PRKCA: variants seen among roughly 807,000 people sequenced by gnomAD.
The protein encoded by PRKCA is protein kinase C alpha.
PRKCA carries 27 observed loss-of-function variants against 87.0 expected under a neutral mutation model. The observed-to-expected ratio is 0.31, with a 90% confidence interval of 0.23 to 0.43. The LOEUF (loss-of-function observed/expected upper bound fraction) is 0.43, where lower values mean the gene tolerates loss of function less well. Among genes scored for constraint, PRKCA ranks in the 20% least tolerant of loss-of-function variants. PRKCA has a pLI of 1.00. For synonymous variants in PRKCA, 329 were observed against 311.1 expected, an observed-to-expected ratio of 1.06 and a Z score of -0.61; for missense variants, 518 against 852.3, an observed-to-expected ratio of 0.61 and a Z score of 4.88.
intron 3 of PRKCA, among the ~76,000 whole-genome samples, chr17:66,639,784 G>C (rs1971241455): frequency 6.6e-6 from 1 of 151,968 alleles, no homozygotes; most frequent in Non-Finnish European, 1.5e-5. Flanking sequence ...ATCACCTGAT[G>C]TCAGGAGTTT....
chr17:66,364,716 C>T (rs1908598859), intron 2 of PRKCA, among the ~76,000 whole-genome samples: 1 of 152,086 alleles, frequency 6.6e-6, no homozygotes, highest in Non-Finnish European at 1.5e-5. Context: ...TTCCAGTTCT[C>T]CCTGGCTGCT....
Position 66,587,891 on chromosome 17 carries a change from G to GTATATATATA in PRKCA, c.289-53463_289-53462insATATATATAT, listed in dbSNP as rs1406148799. On this transcript the variant is annotated intron_variant, in intron 3 of 16. Coordinates refer to ENST00000413366, the MANE Select transcript of PRKCA (RefSeq NM_002737.3). ...TGTATGTGTGTGTGTGTGTGTGTGT[G>GTATATATATA]TGTGTATATATATATATATATATAT... 1.7e-4 allele frequency among the ~76,000 whole-genome samples: 15 copies of GTATATATATA among 87,136 alleles called. 3 individuals carry two copies. The highest frequency in any genetic ancestry group is 4.0e-4 in the South Asian group (1 of 2,504). The allele number at this position is 87,136 out of a possible 152,430, so 57.2% of individuals were successfully genotyped here.
chr17:66,705,422 G>A (rs1339193885), intron 8 of PRKCA, among the ~76,000 whole-genome samples: 1 of 152,178 alleles, frequency 6.6e-6, no homozygotes, highest in Non-Finnish European at 1.5e-5. Context: ...GAGGGTGCAT[G>A]CATTTATATT....
intron 8 of PRKCA, among the ~76,000 whole-genome samples, chr17:66,720,904 A>G (rs1410452399): frequency 6.6e-6 from 1 of 152,176 alleles, no homozygotes; most frequent in African/African-American, 2.4e-5. Flanking sequence ...ATTTTCGAGA[A>G]TGCTAAGAGA....
chr17:66,759,742 G>T (rs1974639165), intron 13 of PRKCA, among the ~76,000 whole-genome samples: 1 of 152,148 alleles, frequency 6.6e-6, no homozygotes. Flanking sequence ...GGATATAAAA[G>T]ATATATCATG....
intron 2 of PRKCA, among the ~76,000 whole-genome samples, chr17:66,315,862 T>G (rs1905288780): frequency 6.6e-6 from 1 of 152,222 alleles, no homozygotes; most frequent in South Asian, 2.1e-4. Flanking sequence ...GGACCTCTGT[T>G]TAGTCTATGT....
chr17:66,709,591 G>A (rs1178254502), intron 8 of PRKCA, among the ~76,000 whole-genome samples: 1 of 151,854 alleles, frequency 6.6e-6, no homozygotes, highest in Non-Finnish European at 1.5e-5. Flanking sequence ...TTACAGGCAT[G>A]AGCCACCATG....
At chr17:66,674,295 G>T (rs2143964910) in intron 5 of PRKCA, among the ~76,000 whole-genome samples, 1 of 152,318 alleles carries the variant, frequency 6.6e-6, no homozygotes, top group Non-Finnish European at 1.5e-5. Flanking sequence ...CACTGAGATG[G>T]ATGGAGGAGT....
At chr17:66,737,898 A>G (rs1475020720) in intron 10 of PRKCA, among the ~76,000 whole-genome samples, 1 of 152,240 alleles carries the variant, frequency 6.6e-6, no homozygotes, top group Non-Finnish European at 1.5e-5. Flanking sequence ...CAGGAAAGCT[A>G]GAGACTGGGG....
At chr17:66,738,186 T>C (rs1429589595) in intron 10 of PRKCA, among the ~76,000 whole-genome samples, 1 of 152,234 alleles carries the variant, frequency 6.6e-6, no homozygotes, top group Non-Finnish European at 1.5e-5. Flanking sequence ...TTTGGGCATA[T>C]TACAGATGCA....
chr17:66,424,873 C>A (rs1424581848), intron 2 of PRKCA, among the ~76,000 whole-genome samples: 1 of 151,932 alleles, frequency 6.6e-6, no homozygotes, highest in Non-Finnish European at 1.5e-5. Context: ...CCTCAGCCTC[C>A]CGAGTAGCTG....
chr17:66,771,413 G>A (rs997701644), intron 13 of PRKCA, among the ~76,000 whole-genome samples: 1 of 152,168 alleles, frequency 6.6e-6, no homozygotes. Flanking sequence ...GTCTTGCCAA[G>A]ATACTCATGA....
At position 66,328,395 on chromosome 17, in the gene PRKCA, T is replaced by C. The variant is rs73341523; in HGVS notation, c.205+22268T>C. ...AGCTGGAAATAATATTTGAATGAAC[T>C]CTAAAGGAGGAAAGGAGTTAACTGA... is the stretch of plus-strand genomic sequence containing the variant. On this transcript the variant is annotated intron_variant, in intron 2 of 16. Coordinates refer to ENST00000413366, the MANE Select transcript of PRKCA (RefSeq NM_002737.3). Among the ~76,000 whole-genome samples the C allele has an allele frequency of 7.3e-3, 1,100 of 150,188 alleles. 14 individuals are homozygous for C. Among genetic ancestry groups the C allele is most frequent in the African/African-American group, 0.026 (1,068 of 41,046 alleles).
chr17:66,428,867 T>C (rs1490186093), intron 2 of PRKCA, among the ~76,000 whole-genome samples: 1 of 152,102 alleles, frequency 6.6e-6, no homozygotes, highest in Non-Finnish European at 1.5e-5. Context: ...TTTGATGAAA[T>C]AGAGAGTAAA....
intron 2 of PRKCA, among the ~76,000 whole-genome samples, chr17:66,467,594 G>A (rs1025391342): frequency 1.3e-5 from 2 of 152,180 alleles, no homozygotes; most frequent in African/African-American, 4.8e-5. Context: ...GTCTCACTGT[G>A]TCACCCAGGC....
chr17:66,672,868 A>G (rs558953043), intron 5 of PRKCA, among the ~76,000 whole-genome samples: 1 of 152,200 alleles, frequency 6.6e-6, no homozygotes, highest in Non-Finnish European at 1.5e-5. Flanking sequence ...TTCAATGTAG[A>G]TAGATGTGGA....
chr17:66,515,247 A>G (rs75337804), intron 3 of PRKCA, among the ~76,000 whole-genome samples: 20,271 of 142,174 alleles, frequency 0.14, 1,685 homozygotes, highest in East Asian at 0.3. Flanking sequence ...ACTCCAGCCT[A>G]GGTGACAGAG....
intron 13 of PRKCA, among the ~76,000 whole-genome samples, chr17:66,759,171 G>A (rs1219076342): frequency 6.6e-6 from 1 of 151,952 alleles, no homozygotes; most frequent in Non-Finnish European, 1.5e-5. Context: ...TGGCTAACAA[G>A]GTGAAACCCC....
intron 3 of PRKCA, among the ~76,000 whole-genome samples, chr17:66,552,327 G>A (rs1567893445): frequency 6.6e-6 from 1 of 152,162 alleles, no homozygotes; most frequent in Non-Finnish European, 1.5e-5. Context: ...TATTTGTTAT[G>A]TATTGCATAT....
Sources: gnomAD v4.1 joint callset for allele counts (sites outside exome capture counted in the v4.1 genomes callset) on GRCh38, gnomAD v4.1.1 for gene constraint, MANE v1.5 for transcripts, NCBI Gene and HGNC (gene_info 2026-07-23, HGNC 2026-07-21) for gene names.